Variants in SLCO1A2 observed in about 807,000 individuals in gnomAD.
The protein encoded by SLCO1A2 is solute carrier organic anion transporter family member 1A2.
In SLCO1A2, 67 loss-of-function variants were observed where a neutral mutation model predicts 69.0. The observed-to-expected ratio is 0.97, with a 90% CI of 0.80 to 1.19. The LOEUF is 1.19. Ranked by LOEUF, SLCO1A2 falls within the 50% of genes most tolerant of loss-of-function variation. SLCO1A2 has a pLI of 0.00. For synonymous variants in SLCO1A2, 260 were observed against 265.9 expected, an observed-to-expected ratio of 0.98 and a Z score of 0.22; for missense variants, 787 against 793.7, an observed-to-expected ratio of 0.99 and a Z score of 0.10.
chr12:21,373,692 G>C (rs932545696), intron 2 of SLCO1A2: 39 of 701,714 alleles, frequency 5.6e-5, no homozygotes, highest in Middle Eastern at 2.3e-4. Flanking sequence ...TTGGAACTTA[G>C]AGGGGCAAAG....
rs575029929 is a variant in SLCO1A2, at chr12:21,377,013, C to CA, written c.-189-2489dup. On this transcript the variant is annotated intron_variant, in intron 1 of 15. Coordinates refer to the SLCO1A2 transcript ENST00000307378. ...AAAGCACATTGAAACAAAAGGCTGTCAAAAAAATAGAGTTGGTATACAAAT... is the reference window on the plus strand; with the variant it reads ...AAAGCACATTGAAACAAAAGGCTGTCAAAAAAAATAGAGTTGGTATACAAAT... Among the ~76,000 whole-genome samples, 108 of 151,666 alleles carry CA rather than the reference C, an allele frequency of 7.1e-4. 1 individual carries two copies. The highest frequency in any genetic ancestry group is 2.6e-3 in the African/African-American group (107 of 41,326).
Sources: allele counts gnomAD v4.1 joint callset (sites outside exome capture counted in the v4.1 genomes callset), GRCh38; gene constraint gnomAD v4.1.1; transcripts MANE v1.5; gene names NCBI Gene and HGNC (gene_info 2026-07-23, HGNC 2026-07-21).